Variants in MAST4 observed in about 807,000 individuals in gnomAD.
MAST4 encodes the protein microtubule associated serine/threonine kinase family member 4.
A neutral mutation model predicts 162.7 loss-of-function variants in MAST4; 89 were observed. The ratio of observed to expected loss-of-function variants is 0.55; its 90% CI spans 0.46 to 0.65. The LOEUF (loss-of-function observed/expected upper bound fraction) is 0.65, where lower values mean the gene tolerates loss of function less well. Ranked by LOEUF, MAST4 falls within the 30% of genes least tolerant of loss-of-function variation. The pLI is 0.00. For missense variants in MAST4, 3,153 were observed against 3,374.0 expected, an observed-to-expected ratio of 0.93 and a Z score of 1.62; for synonymous variants, 1,479 against 1,361.1, an observed-to-expected ratio of 1.09 and a Z score of -1.91.
chr5:67,152,894 A>G (rs1273457672), intron 25 of MAST4, 28 bp downstream of exon 25: 8 of 1,573,520 alleles, frequency 5.1e-6, no homozygotes, highest in Non-Finnish European at 7.0e-6. Flanking sequence ...CGCACTTGGG[A>G]TTTTTCATTT....
At chr5:66,845,124 T>C (rs56030749) in intron 3 of MAST4, among the ~76,000 whole-genome samples, 19,781 of 96,724 alleles carry the variant, frequency 0.2, 1,408 homozygotes, top group Non-Finnish European at 0.28. Context: ...TATATATATA[T>C]ATACACACAC....
chr5:66,954,868 T>A (rs557388213), intron 4 of MAST4, among the ~76,000 whole-genome samples: 7 of 148,312 alleles, frequency 4.7e-5, no homozygotes, highest in Admixed American at 6.7e-5. Flanking sequence ...GCTACTGCAC[T>A]CCAGCCTGGG....
At chr5:67,066,805 T>C (rs1760294322) in intron 5 of MAST4, among the ~76,000 whole-genome samples, 1 of 152,246 alleles carries the variant, frequency 6.6e-6, no homozygotes, top group Admixed American at 6.5e-5. Flanking sequence ...CATTATTTCC[T>C]TACTTAGATT....
At chr5:66,819,414 A>C (rs1756883803) in intron 3 of MAST4, among the ~76,000 whole-genome samples, 1 of 152,186 alleles carries the variant, frequency 6.6e-6, no homozygotes, top group African/African-American at 2.4e-5. Context: ...CTCAGAATTC[A>C]TTTAACGTAA....
At chr5:66,751,687 T>C (rs10940082) in intron 1 of MAST4, among the ~76,000 whole-genome samples, 3,495 of 149,404 alleles carry the variant, frequency 0.023, 123 homozygotes, top group African/African-American at 0.067. Context: ...CTGAAAGTGA[T>C]GCGGAGAATG....
At chr5:67,144,518 C>A in intron 21 of MAST4, 151 bp from the exon 22 acceptor site, 1 of 714,664 alleles carries the variant, frequency 1.4e-6, no homozygotes, top group Non-Finnish European at 2.3e-6. Context: ...TCTCTGGATT[C>A]TGGTTAACAA....
intron 3 of MAST4, among the ~76,000 whole-genome samples, chr5:66,849,045 AAAT>A (rs1479964754): frequency 6.6e-6 from 1 of 152,190 alleles, no homozygotes; most frequent in African/African-American, 2.4e-5. Flanking sequence ...GGACTCAGTG[AAAT>A]AATGACTCTC....
intron 1 of MAST4, among the ~76,000 whole-genome samples, chr5:66,608,278 G>C (rs1579975378): frequency 6.9e-6 from 1 of 145,284 alleles, no homozygotes. Flanking sequence ...CTGGTCTCAA[G>C]CTCCTGACCT....
rs776759801 is a variant in MAST4, at chr5:66,788,809, G to A, written c.642+15G>A. ...CCGCCAGCCTGGTGAGTGTCCGCGG[G>A]CGCCGGTGGAGGCTGCTCCAGCTCA... On this transcript the variant is annotated intron_variant, in intron 3 of 28. Coordinates refer to ENST00000403625, the MANE Select transcript of MAST4 (RefSeq NM_001164664.2). The A allele has an allele frequency of 1.9e-6, 3 of 1,545,280 alleles. No individual in the cohort carries two copies. Among genetic ancestry groups the A allele is most frequent in the East Asian group, 2.3e-5 (1 of 43,624 alleles).
At chr5:66,694,127 G>T (rs566180710) in intron 1 of MAST4, among the ~76,000 whole-genome samples, 1 of 152,124 alleles carries the variant, frequency 6.6e-6, no homozygotes, top group African/African-American at 2.4e-5. Flanking sequence ...GTCAGGGAGC[G>T]CATTGAAAGA....
intron 1 of MAST4, among the ~76,000 whole-genome samples, chr5:66,722,885 G>A (rs751877711): frequency 2.0e-5 from 3 of 152,126 alleles, no homozygotes; most frequent in Non-Finnish European, 2.9e-5. Context: ...GGCGGAGAAC[G>A]GGACACCTGC....
intron 4 of MAST4, among the ~76,000 whole-genome samples, chr5:66,988,524 TACTA>T (rs1342196464): frequency 6.6e-6 from 1 of 152,208 alleles, no homozygotes; most frequent in Non-Finnish European, 1.5e-5. Context: ...ACTTTAAAAA[TACTA>T]ACTATCCTAG....
At chr5:66,611,749 G>A (rs900019112) in intron 1 of MAST4, among the ~76,000 whole-genome samples, 3 of 152,194 alleles carry the variant, frequency 2.0e-5, no homozygotes, top group African/African-American at 7.2e-5. Flanking sequence ...AATCAGATGG[G>A]CACTGTCTTG....
intron 4 of MAST4, among the ~76,000 whole-genome samples, chr5:66,990,392 T>C (rs937304488): frequency 6.6e-6 from 1 of 152,068 alleles, no homozygotes; most frequent in African/African-American, 2.4e-5. Context: ...TCCTAACACT[T>C]TGGGAGGCTG....
chr5:67,155,481 C>T (rs1561182376), intron 26 of MAST4, among the ~76,000 whole-genome samples: 1 of 152,240 alleles, frequency 6.6e-6, no homozygotes, highest in Non-Finnish European at 1.5e-5. Context: ...TTGGCCCAGT[C>T]CCATTACCTG....
chr5:66,754,298 T>C (rs1213184885), intron 1 of MAST4, among the ~76,000 whole-genome samples: 1 of 152,160 alleles, frequency 6.6e-6, no homozygotes, highest in Non-Finnish European at 1.5e-5. Context: ...AGTTCAATGG[T>C]TATTTAGGAA....
At chr5:67,037,767 C>T (rs1756198431) in intron 4 of MAST4, among the ~76,000 whole-genome samples, 1 of 152,058 alleles carries the variant, frequency 6.6e-6, no homozygotes, top group African/African-American at 2.4e-5. Flanking sequence ...TGATTCAAGG[C>T]TTTGACAACA....
At chr5:66,750,227 A>G (rs1218844249) in intron 1 of MAST4, among the ~76,000 whole-genome samples, 1 of 152,166 alleles carries the variant, frequency 6.6e-6, no homozygotes, top group African/African-American at 2.4e-5. Flanking sequence ...CTTTGAACTA[A>G]TGAACTTTGG....
intron 1 of MAST4, among the ~76,000 whole-genome samples, chr5:66,664,660 T>C (rs1264900335): frequency 6.6e-6 from 1 of 151,196 alleles, no homozygotes; most frequent in African/African-American, 2.4e-5. Context: ...ACTTGTAGTG[T>C]AGATAGAGAA....
Sources: allele counts gnomAD v4.1 joint callset (sites outside exome capture counted in the v4.1 genomes callset), GRCh38; gene constraint gnomAD v4.1.1; transcripts MANE v1.5; gene names NCBI Gene and HGNC (gene_info 2026-07-23, HGNC 2026-07-21).